The following EPHA6 variants were observed in gnomAD, a reference collection of about 807,000 sequenced individuals.
The protein encoded by EPHA6 is ephrin type-A receptor 6.
Under a neutral mutation model 112.0 loss-of-function variants are expected in EPHA6, and 50 were observed. The ratio of observed to expected loss-of-function variants is 0.45; its 90% CI spans 0.36 to 0.56. The LOEUF (loss-of-function observed/expected upper bound fraction) is 0.56, where lower values mean the gene tolerates loss of function less well. EPHA6 is among the 20% of genes least tolerant of loss of function. The pLI, the probability that EPHA6 is intolerant of heterozygous loss-of-function variation, is 0.00. For synonymous variants in EPHA6, 529 were observed against 490.7 expected, an observed-to-expected ratio of 1.08 and a Z score of -1.03; for missense variants, 1,280 against 1,417.4, an observed-to-expected ratio of 0.90 and a Z score of 1.56.
intron 2 of EPHA6, among the ~76,000 whole-genome samples, chr3:96,918,315 T>A (rs894688598): frequency 4.3e-4 from 66 of 152,286 alleles, no homozygotes; most frequent in African/African-American, 1.6e-3. Flanking sequence ...CATGTTAAAC[T>A]TTTATAGTCT....
chr3:97,035,706 T>C (rs899426574), intron 3 of EPHA6, among the ~76,000 whole-genome samples: 2 of 152,022 alleles, frequency 1.3e-5, no homozygotes, highest in Middle Eastern at 6.4e-3. Flanking sequence ...GTCGGAGATC[T>C]CTGCTTCTTG....
At chr3:97,248,436 G>A (rs2079041788) in intron 5 of EPHA6, among the ~76,000 whole-genome samples, 1 of 152,022 alleles carries the variant, frequency 6.6e-6, no homozygotes, top group Non-Finnish European at 1.5e-5. Context: ...TCAGGTTTTA[G>A]ACAGTAAAGG....
intron 5 of EPHA6, among the ~76,000 whole-genome samples, chr3:97,294,957 T>TG (rs369227620): frequency 0.032 from 4,925 of 152,208 alleles, 245 homozygotes; most frequent in African/African-American, 0.11. Context: ...GTTAGTCTGA[T>TG]GGGGGGGTTC....
chr3:97,103,083 G>A (rs2047452530), intron 3 of EPHA6, among the ~76,000 whole-genome samples: 1 of 152,016 alleles, frequency 6.6e-6, no homozygotes, highest in African/African-American at 2.4e-5. Context: ...TAGGTTGTCT[G>A]TTTACTTACT....
intron 3 of EPHA6, among the ~76,000 whole-genome samples, chr3:97,201,483 T>C (rs1317212165): frequency 6.6e-6 from 1 of 152,136 alleles, no homozygotes; most frequent in African/African-American, 2.4e-5. Flanking sequence ...GCTTTTATCC[T>C]GTAAGCAATT....
intron 1 of EPHA6, 29 bp downstream of exon 1, chr3:96,815,037 G>A (rs777442407): frequency 1.4e-6 from 2 of 1,477,678 alleles, no homozygotes; most frequent in African/African-American, 1.4e-5. Flanking sequence ...GAGCGGGAGT[G>A]GGTGGGAGGA....
intron 2 of EPHA6, among the ~76,000 whole-genome samples, chr3:96,954,886 C>T (rs534630858): frequency 6.7e-6 from 1 of 148,420 alleles, no homozygotes; most frequent in African/African-American, 2.5e-5. Flanking sequence ...CTCCGCTTCC[C>T]GGGTTCACGC....
At chr3:97,276,163 C>T (rs142503513) in intron 5 of EPHA6, among the ~76,000 whole-genome samples, 1 of 152,144 alleles carries the variant, frequency 6.6e-6, no homozygotes, top group South Asian at 2.1e-4. Flanking sequence ...GACGGACTTA[C>T]CCTCCACTGT....
At chr3:96,850,122 G>GT (rs1263546854) in intron 1 of EPHA6, among the ~76,000 whole-genome samples, 4 of 152,088 alleles carry the variant, frequency 2.6e-5, no homozygotes, top group Admixed American at 6.6e-5. Context: ...TTCAACTATT[G>GT]TAAGTGATTT....
At chr3:97,546,780 C>T (rs1455738966) in intron 11 of EPHA6, among the ~76,000 whole-genome samples, 1 of 152,100 alleles carries the variant, frequency 6.6e-6, no homozygotes, top group Non-Finnish European at 1.5e-5. Flanking sequence ...ATTCTTTTTT[C>T]TCTAAACTTC....
intron 5 of EPHA6, among the ~76,000 whole-genome samples, chr3:97,278,646 A>T (rs2080180016): frequency 6.6e-6 from 1 of 152,236 alleles, no homozygotes; most frequent in African/African-American, 2.4e-5. Context: ...TGTCCACTGC[A>T]TATCAGAATC....
intron 2 of EPHA6, among the ~76,000 whole-genome samples, chr3:96,924,852 T>G (rs886878176): frequency 1.3e-5 from 2 of 152,210 alleles, no homozygotes; most frequent in African/African-American, 4.8e-5. Context: ...GAAGGAATAT[T>G]GAATTTTATT....
chr3:97,592,946 C>T (rs1017446854), intron 12 of EPHA6, among the ~76,000 whole-genome samples: 5 of 152,148 alleles, frequency 3.3e-5, no homozygotes, highest in Admixed American at 6.5e-5. Context: ...GCACCTAATT[C>T]GCATAGTGCT....
intron 11 of EPHA6, among the ~76,000 whole-genome samples, chr3:97,588,307 G>A (rs1215147172): frequency 6.6e-6 from 1 of 152,082 alleles, no homozygotes; most frequent in Non-Finnish European, 1.5e-5. Context: ...TAATCTTCCT[G>A]CACCACGTCA....
At chr3:97,717,644 A>G (rs572099773) in intron 14 of EPHA6, among the ~76,000 whole-genome samples, 5 of 152,290 alleles carry the variant, frequency 3.3e-5, no homozygotes, top group African/African-American at 9.6e-5. Context: ...TTTGACCTTA[A>G]TTACTTCTTT....
chr3:97,446,850 C>T (rs1172922344), intron 6 of EPHA6, among the ~76,000 whole-genome samples: 1 of 152,108 alleles, frequency 6.6e-6, no homozygotes, highest in Non-Finnish European at 1.5e-5. Context: ...TAATCCCTAA[C>T]AGCTCACTGT....
At chr3:97,639,733 A>T (rs2093984320) in intron 14 of EPHA6, among the ~76,000 whole-genome samples, 1 of 152,082 alleles carries the variant, frequency 6.6e-6, no homozygotes, top group African/African-American at 2.4e-5. Context: ...TAACAACCAG[A>T]CTCTTGGCAT....
rs187667743 is a variant in EPHA6 at position 97,330,400 on chromosome 3, A to G, written c.1607-74750A>G. On this transcript the variant is annotated intron_variant, in intron 5 of 17. Transcript: ENST00000389672. Reference sequence around the variant, plus strand: ...GGGGATGGCATTGAATCTATAAATTACCTTGGGCAATATGGCCATTTTCAT... The same window carrying G: ...GGGGATGGCATTGAATCTATAAATTGCCTTGGGCAATATGGCCATTTTCAT... Among the ~76,000 whole-genome samples, 552 of 152,244 alleles carry G rather than the reference A, an allele frequency of 3.6e-3. 1 individual carries two copies. Among genetic ancestry groups the G allele is most frequent in the African/African-American group, 0.012 (514 of 41,562 alleles).
intron 3 of EPHA6, among the ~76,000 whole-genome samples, chr3:97,137,604 T>C (rs114862926): frequency 0.013 from 2,000 of 152,292 alleles, 36 homozygotes; most frequent in African/African-American, 0.046. Flanking sequence ...AAGTAATTTA[T>C]TGATGCCTTT....
Sources: gnomAD v4.1 joint callset for allele counts (sites outside exome capture counted in the v4.1 genomes callset) on GRCh38, gnomAD v4.1.1 for gene constraint, MANE v1.5 for transcripts, NCBI Gene and HGNC (gene_info 2026-07-23, HGNC 2026-07-21) for gene names.